Variants in LINGO2 observed in about 807,000 individuals in gnomAD.
LINGO2 encodes the protein leucine rich repeat and Ig domain containing 2, also known as leucine-rich repeat and immunoglobulin-like domain-containing nogo receptor-interacting protein 2.
A neutral mutation model predicts 30.6 loss-of-function variants in LINGO2; 14 were observed. The ratio of observed to expected loss-of-function variants is 0.46; its 90% CI spans 0.30 to 0.72. LINGO2 has a LOEUF of 0.72. LINGO2 is among the 30% of genes least tolerant of loss of function. The pLI, the probability that LINGO2 is intolerant of heterozygous loss-of-function variation, is 0.07. For synonymous variants in LINGO2, 317 were observed against 288.5 expected, an observed-to-expected ratio of 1.10 and a Z score of -1.00; for missense variants, 729 against 751.7, an observed-to-expected ratio of 0.97 and a Z score of 0.35.
intron 4 of LINGO2, among the ~76,000 whole-genome samples, chr9:28,119,511 T>G (rs1435051014): frequency 2.0e-5 from 3 of 152,172 alleles, no homozygotes; most frequent in African/African-American, 7.2e-5. Context: ...AATACATAAT[T>G]CAGGGGGATG....
chr9:28,803,002 A>C, the LINGO2 span, among the ~76,000 whole-genome samples: 1 of 152,214 alleles, frequency 6.6e-6, no homozygotes, highest in South Asian at 2.1e-4. Context: ...AGAAATAGAA[A>C]GAACTTTGAA....
chr9:28,624,338 G>T (rs1826554331), intron 1 of LINGO2, among the ~76,000 whole-genome samples: 1 of 151,612 alleles, frequency 6.6e-6, no homozygotes, highest in Admixed American at 6.6e-5. Context: ...TTTATATTGG[G>T]GTGTGTTTTT....
chr9:29,143,962 G>A, the LINGO2 span, among the ~76,000 whole-genome samples: 3 of 152,142 alleles, frequency 2.0e-5, no homozygotes, highest in Non-Finnish European at 4.4e-5. Context: ...ATAAGGAAGA[G>A]GTCCAGTGTC....
At chr9:28,487,723 G>A in intron 1 of LINGO2, among the ~76,000 whole-genome samples, 1 of 152,258 alleles carries the variant, frequency 6.6e-6, no homozygotes, top group Admixed American at 6.5e-5. Flanking sequence ...TGAGAATGCT[G>A]CTAGCTACAT....
intron 4 of LINGO2, among the ~76,000 whole-genome samples, chr9:28,205,350 T>A (rs1820373532): frequency 1.3e-5 from 2 of 152,200 alleles, no homozygotes; most frequent in Admixed American, 1.3e-4. Context: ...TTACATCTGA[T>A]ACTTCCCATC....
chr9:29,068,790 A>G, the LINGO2 span, among the ~76,000 whole-genome samples: 29,875 of 151,794 alleles, frequency 0.2, 3,083 homozygotes, highest in African/African-American at 0.24. Flanking sequence ...TCTACATTTA[A>G]TCTTAGAAAT....
chr9:29,056,631 G>A, the LINGO2 span, among the ~76,000 whole-genome samples: 5 of 152,058 alleles, frequency 3.3e-5, no homozygotes, highest in African/African-American at 1.2e-4. Flanking sequence ...TGTTGCCTTT[G>A]CTTTTGGGTT....
intron 1 of LINGO2, among the ~76,000 whole-genome samples, chr9:28,509,204 T>C (rs1326333882): frequency 6.6e-6 from 1 of 152,214 alleles, no homozygotes; most frequent in Admixed American, 6.5e-5. Flanking sequence ...AAAGCAATTC[T>C]AAAAACTGAG....
At chr9:28,606,610 C>T (rs80254865) in intron 1 of LINGO2, among the ~76,000 whole-genome samples, 2 of 151,906 alleles carry the variant, frequency 1.3e-5, no homozygotes, top group Admixed American at 1.3e-4. Context: ...CCTTAACTTT[C>T]CTAGATGTGG....
At chr9:28,741,716 C>T in the LINGO2 span, among the ~76,000 whole-genome samples, 1 of 151,808 alleles carries the variant, frequency 6.6e-6, no homozygotes, top group Middle Eastern at 3.2e-3. Flanking sequence ...TCTCCAGGTA[C>T]TTGCTTAGTG....
At chr9:28,663,014 T>A (rs1389534514) in intron 1 of LINGO2, among the ~76,000 whole-genome samples, 2 of 152,130 alleles carry the variant, frequency 1.3e-5, no homozygotes, top group East Asian at 3.9e-4. Context: ...TTACTTTTCT[T>A]CTCCATTATC....
chr9:28,824,138 C>CTTCCACTT, the LINGO2 span, among the ~76,000 whole-genome samples: 23 of 152,158 alleles, frequency 1.5e-4, no homozygotes, highest in African/African-American at 5.5e-4. Context: ...GTTTGTTTCA[C>CTTCCACTT]GGTAATAACT....
chr9:28,863,033 A>G, the LINGO2 span, among the ~76,000 whole-genome samples: 1 of 152,082 alleles, frequency 6.6e-6, no homozygotes, highest in South Asian at 2.1e-4. Flanking sequence ...TGTTTCCAGA[A>G]GAGTAAATGA....
chr9:28,925,693 GTTC>G, the LINGO2 span, among the ~76,000 whole-genome samples: 1 of 152,074 alleles, frequency 6.6e-6, no homozygotes, highest in South Asian at 2.1e-4. Context: ...ATTTTTGTGG[GTTC>G]TTCTAGTGAA....
chr9:28,679,196 G>C, the LINGO2 span, among the ~76,000 whole-genome samples: 1 of 151,884 alleles, frequency 6.6e-6, no homozygotes, highest in African/African-American at 2.4e-5. Flanking sequence ...CAAAAACTTT[G>C]ATGACTTTCA....
intron 4 of LINGO2, among the ~76,000 whole-genome samples, chr9:28,041,166 T>C (rs1587749195): frequency 6.6e-6 from 1 of 152,364 alleles, no homozygotes; most frequent in Non-Finnish European, 1.5e-5. Flanking sequence ...TCTTTGTGTC[T>C]GAATCTAGCA....
chr9:28,820,861 G>A, the LINGO2 span, among the ~76,000 whole-genome samples: 3 of 152,116 alleles, frequency 2.0e-5, no homozygotes, highest in South Asian at 2.1e-4. Flanking sequence ...CACAGTTCCC[G>A]CAGCTTTACA....
the LINGO2 span, among the ~76,000 whole-genome samples, chr9:28,741,247 T>A: frequency 6.6e-6 from 1 of 151,992 alleles, no homozygotes; most frequent in East Asian, 1.9e-4. Flanking sequence ...GTATCCTATG[T>A]CCATAGGTGC....
chr9:28,742,787 T>G, the LINGO2 span, among the ~76,000 whole-genome samples: 1 of 152,030 alleles, frequency 6.6e-6, no homozygotes, highest in Non-Finnish European at 1.5e-5. Context: ...ACCTGTGGAT[T>G]TGTAATACCA....
Sources: allele counts gnomAD v4.1 joint callset (sites outside exome capture counted in the v4.1 genomes callset), GRCh38; gene constraint gnomAD v4.1.1; transcripts MANE v1.5; gene names NCBI Gene and HGNC (gene_info 2026-07-23, HGNC 2026-07-21).